NRXN3: variants seen among roughly 807,000 people sequenced by gnomAD.
NRXN3 encodes the protein neurexin III.
Under a neutral mutation model 137.6 loss-of-function variants are expected in NRXN3, and 32 were observed. That is an observed-to-expected ratio of 0.23 (90% CI 0.18 to 0.31). The LOEUF (loss-of-function observed/expected upper bound fraction) is 0.31. NRXN3 is among the 10% of genes least tolerant of loss of function. The pLI, the probability that NRXN3 is intolerant of heterozygous loss-of-function variation, is 1.00. For synonymous variants in NRXN3, 798 were observed against 784.5 expected, an observed-to-expected ratio of 1.02 and a Z score of -0.29; for missense variants, 1,574 against 2,062.5, an observed-to-expected ratio of 0.76 and a Z score of 4.59.
In NRXN3 at chr14:78,209,253, G is replaced by A. The variant is rs80326823; in HGVS notation, c.-703-33138G>A. Among the ~76,000 whole-genome samples the A allele has an allele frequency of 3.9e-3, 588 of 152,272 alleles. 32 individuals carry two copies. The East Asian group carries it at 0.1, about 26-fold the overall frequency. ...ACTGTGCCAGCTGTGGGAAGAAGAGGCAGGTGAAACAGGAAGAGCATGGAG... is the reference window on the plus strand; with the variant it reads ...ACTGTGCCAGCTGTGGGAAGAAGAGACAGGTGAAACAGGAAGAGCATGGAG... On this transcript the variant is annotated intron_variant, in intron 1 of 20. Transcript: ENST00000335750.
intron 16 of NRXN3, among the ~76,000 whole-genome samples, chr14:79,513,812 G>A (rs918779931): frequency 2.0e-5 from 3 of 152,158 alleles, no homozygotes; most frequent in South Asian, 2.1e-4. Context: ...AGGACTGTGA[G>A]CACAAATTCT....
chr14:78,438,878 T>C (rs2094154480), intron 4 of NRXN3, among the ~76,000 whole-genome samples: 1 of 151,930 alleles, frequency 6.6e-6, no homozygotes, highest in Non-Finnish European at 1.5e-5. Context: ...CACCAAGAGC[T>C]CAAGCTGAAG....
chr14:78,556,744 T>C (rs2152239040), intron 4 of NRXN3, among the ~76,000 whole-genome samples: 1 of 152,220 alleles, frequency 6.6e-6, no homozygotes, highest in Middle Eastern at 3.4e-3. Flanking sequence ...CTCCACTGAA[T>C]TAACAAATAC....
chr14:78,619,246 G>A (rs1026727999), intron 4 of NRXN3, among the ~76,000 whole-genome samples: 3 of 152,088 alleles, frequency 2.0e-5, no homozygotes, highest in Admixed American at 1.3e-4. Flanking sequence ...TCATTTAGAC[G>A]GCCTTGCTTC....
intron 10 of NRXN3, among the ~76,000 whole-genome samples, chr14:78,863,543 A>G (rs528526466): frequency 1.3e-5 from 2 of 152,180 alleles, no homozygotes; most frequent in South Asian, 2.1e-4. Context: ...CTAACCTAGT[A>G]CATTCTTCAA....
At chr14:78,216,716 T>G (rs1316097079) in intron 1 of NRXN3, among the ~76,000 whole-genome samples, 1 of 152,194 alleles carries the variant, frequency 6.6e-6, no homozygotes, top group Non-Finnish European at 1.5e-5. Context: ...CAACAAAAAT[T>G]TATTAGCTCA....
intron 15 of NRXN3, among the ~76,000 whole-genome samples, chr14:79,262,891 T>C (rs148148637): frequency 2.0e-5 from 3 of 152,302 alleles, no homozygotes; most frequent in African/African-American, 7.2e-5. Flanking sequence ...CGGACTCTAC[T>C]TTATCATCTT....
intron 16 of NRXN3, among the ~76,000 whole-genome samples, chr14:79,552,319 C>T (rs892581763): frequency 6.6e-6 from 1 of 152,150 alleles, no homozygotes; most frequent in East Asian, 1.9e-4. Flanking sequence ...CTGCATGTTA[C>T]AGTGGGAAGT....
intron 4 of NRXN3, among the ~76,000 whole-genome samples, chr14:78,330,413 C>T (rs1339470591): frequency 6.6e-6 from 1 of 152,060 alleles, no homozygotes; most frequent in East Asian, 1.9e-4. Context: ...TCTCATTTCA[C>T]ATGGAAGGAG....
chr14:78,469,821 A>G (rs1295763812), intron 4 of NRXN3, among the ~76,000 whole-genome samples: 1 of 152,250 alleles, frequency 6.6e-6, no homozygotes, highest in Non-Finnish European at 1.5e-5. Context: ...TTGAGAAGGT[A>G]AATTCAGTCT....
chr14:79,341,371 C>T lies in NRXN3; in HGVS notation c.3263-125850C>T, dbSNP rs576070195. ...GGGAGAGGCAAACTGTAAGACCTTTCGCTGCAAATCCTATAAGCACTTGCC... is the reference window on the plus strand; with the variant it reads ...GGGAGAGGCAAACTGTAAGACCTTTTGCTGCAAATCCTATAAGCACTTGCC... On this transcript the variant is annotated intron_variant, in intron 15 of 20. Transcript: ENST00000335750. Among the ~76,000 whole-genome samples the T allele has an allele frequency of 2.2e-4, 34 of 152,222 alleles. No homozygotes were observed. In the East Asian group the frequency reaches 3.1e-3, roughly 14 times the overall value.
chr14:79,415,157 A>G (rs1023527135), intron 15 of NRXN3, among the ~76,000 whole-genome samples: 5 of 152,108 alleles, frequency 3.3e-5, no homozygotes, highest in African/African-American at 1.2e-4. Context: ...GGTTGATATA[A>G]TGTCTTGGCT....
chr14:78,523,816 CAAAAA>C (rs56083130), intron 4 of NRXN3, among the ~76,000 whole-genome samples: 697 of 61,458 alleles, frequency 0.011, 2 homozygotes, highest in South Asian at 0.021. Flanking sequence ...GACTCTGTCT[CAAAAA>C]AAAAAAAAAA....
At chr14:78,564,313 G>A (rs967468918) in intron 4 of NRXN3, among the ~76,000 whole-genome samples, 2 of 152,126 alleles carry the variant, frequency 1.3e-5, no homozygotes, top group African/African-American at 4.8e-5. Context: ...TATAGTGTTT[G>A]GCTCTGTCAA....
At chr14:78,586,232 CA>C (rs1341837294) in intron 4 of NRXN3, among the ~76,000 whole-genome samples, 2 of 152,066 alleles carry the variant, frequency 1.3e-5, no homozygotes, top group Admixed American at 6.5e-5. Flanking sequence ...TGTTTAGAGA[CA>C]GGGTTTTTGT....
chr14:78,450,406 A>G (rs998355287), intron 4 of NRXN3, among the ~76,000 whole-genome samples: 1 of 152,144 alleles, frequency 6.6e-6, no homozygotes, highest in Admixed American at 6.5e-5. Context: ...ATTGTGTTAA[A>G]TGGGATGGAG....
intron 15 of NRXN3, among the ~76,000 whole-genome samples, chr14:79,444,738 G>A (rs1156558465): frequency 6.6e-6 from 1 of 152,158 alleles, no homozygotes; most frequent in Non-Finnish European, 1.5e-5. Flanking sequence ...TGAGTCAGGA[G>A]GGTTGCTTGA....
At chr14:79,272,544 T>C (rs879835187) in intron 15 of NRXN3, among the ~76,000 whole-genome samples, 3 of 152,180 alleles carry the variant, frequency 2.0e-5, no homozygotes, top group Non-Finnish European at 4.4e-5. Context: ...TTAGAATTTA[T>C]TTTTTATTCT....
chr14:78,425,108 TG>T (rs1474903152), intron 4 of NRXN3, among the ~76,000 whole-genome samples: 1 of 152,230 alleles, frequency 6.6e-6, no homozygotes, highest in Admixed American at 6.5e-5. Flanking sequence ...GACTGGAAGA[TG>T]TCTTTGACCA....
Sources: gnomAD v4.1 joint callset for allele counts (sites outside exome capture counted in the v4.1 genomes callset) on GRCh38, gnomAD v4.1.1 for gene constraint, MANE v1.5 for transcripts, NCBI Gene and HGNC (gene_info 2026-07-23, HGNC 2026-07-21) for gene names.